The following TTC12 variants were observed in gnomAD, a reference collection of about 807,000 sequenced individuals.
TTC12 encodes tetratricopeptide repeat protein 12.
A neutral mutation model predicts 90.1 loss-of-function variants in TTC12; 70 were observed. That is an observed-to-expected ratio of 0.78 (90% CI 0.64 to 0.95). The LOEUF (loss-of-function observed/expected upper bound fraction) is 0.95, where lower values mean the gene tolerates loss of function less well. Among genes scored for constraint, TTC12 ranks in the 40% least tolerant of loss-of-function variants. TTC12 has a pLI of 0.00. For missense variants in TTC12, 819 were observed against 846.1 expected (o/e 0.97, Z 0.40); for synonymous variants, 296 against 311.5 (o/e 0.95, Z 0.53).
chr11:113,321,833 G>T (rs1431441939), intron 2 of TTC12, among the ~76,000 whole-genome samples: 1 of 152,244 alleles, frequency 6.6e-6, no homozygotes, highest in Non-Finnish European at 1.5e-5. Context: ...CCAACAGCCA[G>T]CAGACTTTCT....
intron 2 of TTC12, among the ~76,000 whole-genome samples, chr11:113,318,771 A>G (rs1243842342): frequency 7.2e-5 from 11 of 152,152 alleles, no homozygotes; most frequent in Non-Finnish European, 1.5e-4. Flanking sequence ...AAGAGTGAAG[A>G]AAGAGTGTGG....
rs372368344 is a variant in TTC12 at position 113,363,853 on chromosome 11, A to G, written c.1742A>G (p.Tyr581Cys). 8.1e-6 allele frequency: 13 copies of G among 1,613,104 alleles called. 1 individual carries two copies. The African/African-American group carries it at 1.1e-4, about 13-fold the overall frequency. The change falls in exon 20 of 22, where the codon TAT becomes TGT. Residue 581 changes from tyrosine (Y) to cysteine (C), a missense_variant. Tyr to Cys is a radical substitution (Grantham distance 194). Coordinates refer to ENST00000529221, the MANE Select transcript of TTC12 (RefSeq NM_017868.4). Reference protein sequence around the residue: ...LKTGGETASRYAIKILAICTN... With the variant: ...LKTGGETASRCAIKILAICTN... ...ACAGGAGGTGAGACTGCATCACGTT[A>G]TGCTATAAAGATACTAGCTATCTGC...
intron 16 of TTC12, among the ~76,000 whole-genome samples, chr11:113,353,601 A>G (rs1555151290): frequency 6.6e-6 from 1 of 152,176 alleles, no homozygotes; most frequent in East Asian, 1.9e-4. Flanking sequence ...TTTGGATTTT[A>G]CATTTAAGTC....
At chr11:113,316,203 TTTATTA>T (rs1338585735) in intron 1 of TTC12, 34 bp from the exon 2 acceptor site, 2 of 1,043,034 alleles carry the variant, frequency 1.9e-6, no homozygotes, top group Non-Finnish European at 2.6e-6. Flanking sequence ...TGTTTAGTGC[TTTATTA>T]TTATTAATTT....
rs77445039 is a variant in TTC12, at chr11:113,342,050, C to T, written c.985+125C>T. On this transcript the variant is annotated intron_variant, in intron 12 of 21. Coordinates refer to ENST00000529221, the MANE Select transcript of TTC12 (RefSeq NM_017868.4). ...CTGATGTCTAGACTTCCGCACACAC[C>T]CACTCCCTCCAGGAAAGCTTATGGA... 814 of 769,366 alleles carry T rather than the reference C, an allele frequency of 1.1e-3. 8 individuals carry two copies. In the African/African-American group the frequency reaches 0.013, roughly 12 times the overall value. The allele number at this position is 769,366 out of a possible 1,614,324, so 47.7% of individuals were successfully genotyped here.
intron 16 of TTC12, among the ~76,000 whole-genome samples, chr11:113,358,937 C>G (rs1176317798): frequency 6.6e-6 from 1 of 152,068 alleles, no homozygotes; most frequent in Non-Finnish European, 1.5e-5. Flanking sequence ...GCTTCTGCAT[C>G]TTCCCTTCAT....
chr11:113,352,757 C>T (rs1949382105), intron 16 of TTC12, among the ~76,000 whole-genome samples: 1 of 152,154 alleles, frequency 6.6e-6, no homozygotes, highest in Non-Finnish European at 1.5e-5. Flanking sequence ...TCTAGCTCCA[C>T]CCATGTTTCT....
At chr11:113,372,071 T>C (rs1463443638) in intron 21 of TTC12, among the ~76,000 whole-genome samples, 1 of 152,148 alleles carries the variant, frequency 6.6e-6, no homozygotes, top group Non-Finnish European at 1.5e-5. Flanking sequence ...TCTATGTGAC[T>C]CTACCCTAAA....
Position 113,340,748 on chromosome 11 carries a change from A to G in TTC12, c.896+15A>G, listed in dbSNP as rs1483877636. On this transcript the variant is annotated intron_variant, in intron 11 of 21. Transcript: ENST00000529221. ...GTCATAAGAAGGTAGGGATGTTCAT[A>G]GAGACAGCCCAGCAGCAAAGCAAGG... 2 of 1,604,950 alleles carry G rather than the reference A, an allele frequency of 1.2e-6. No individual in the cohort carries two copies. Among genetic ancestry groups the G allele is most frequent in the Admixed American group, 1.7e-5 (1 of 59,998 alleles).
intron 8 of TTC12, 134 bp downstream of exon 8, chr11:113,335,171 A>C: frequency 1.3e-5 from 9 of 685,538 alleles, no homozygotes; most frequent in Non-Finnish European, 1.9e-5. Context: ...GGTAAAGCTC[A>C]AGATCTTAAA....
At chr11:113,323,167 T>C (rs1192977699) in intron 2 of TTC12, 121 bp from the exon 3 acceptor site, 3 of 703,444 alleles carry the variant, frequency 4.3e-6, no homozygotes, top group Non-Finnish European at 6.3e-6. Context: ...TCTATTTTGC[T>C]TTCTATTGCT....
At chr11:113,358,847 C>A (rs1555153521) in intron 16 of TTC12, among the ~76,000 whole-genome samples, 1 of 152,116 alleles carries the variant, frequency 6.6e-6, no homozygotes, top group Non-Finnish European at 1.5e-5. Context: ...CACCCATTCC[C>A]CAAGAGCCTT....
Position 113,351,304 on chromosome 11 carries a change from G to C in TTC12, c.1308+5G>C. 1 of 1,613,588 alleles carries C rather than the reference G, an allele frequency of 6.2e-7. No homozygotes were observed. The highest frequency in any genetic ancestry group is 8.5e-7 in the Non-Finnish European group (1 of 1,179,538). On this transcript the variant is annotated splice_donor_5th_base_variant and intron_variant, in intron 15 of 21. Coordinates refer to ENST00000529221, the MANE Select transcript of TTC12 (RefSeq NM_017868.4). ...CCTGCACTCACAGGCGTTCTGGTGA[G>C]CAAACTGTCATTTTCATCCTCTGTA...
chr11:113,344,539 G>A (rs1948846538), intron 13 of TTC12, 99 bp downstream of exon 13: 12 of 1,259,436 alleles, frequency 9.5e-6, no homozygotes, highest in Non-Finnish European at 1.3e-5. Context: ...TGTGTGACTT[G>A]AAGGATCAAT....
intron 7 of TTC12, among the ~76,000 whole-genome samples, chr11:113,330,523 G>C (rs1174067208): frequency 2.0e-5 from 3 of 152,190 alleles, no homozygotes; most frequent in Admixed American, 6.5e-5. Context: ...AGGATGCATA[G>C]ACATAAAGAC....
chr11:113,318,190 G>A (rs1947069370), intron 2 of TTC12, among the ~76,000 whole-genome samples: 1 of 152,204 alleles, frequency 6.6e-6, no homozygotes, highest in Non-Finnish European at 1.5e-5. Context: ...GTCCAGTGGA[G>A]AAAACAGATA....
intron 16 of TTC12, 112 bp downstream of exon 16, chr11:113,352,319 C>T: frequency 1.4e-6 from 2 of 1,393,382 alleles, no homozygotes; most frequent in Non-Finnish European, 2.0e-6. Flanking sequence ...TTGGATGGCG[C>T]CAGTTGGCTT....
intron 16 of TTC12, among the ~76,000 whole-genome samples, chr11:113,354,994 C>T (rs1273865557): frequency 6.6e-6 from 1 of 152,138 alleles, no homozygotes; most frequent in East Asian, 1.9e-4. Context: ...GAAGGAGTCC[C>T]TCTTCCTTGA....
intron 16 of TTC12, among the ~76,000 whole-genome samples, chr11:113,355,118 A>G (rs1451237423): frequency 6.6e-6 from 1 of 152,146 alleles, no homozygotes; most frequent in African/African-American, 2.4e-5. Flanking sequence ...GCTCTTTATT[A>G]CTGACTTAAT....
Sources: gnomAD v4.1 joint callset for allele counts (sites outside exome capture counted in the v4.1 genomes callset) on GRCh38, gnomAD v4.1.1 for gene constraint, MANE v1.5 for transcripts, NCBI Gene and HGNC (gene_info 2026-07-23, HGNC 2026-07-21) for gene names.